DNAH9: variants seen among roughly 807,000 people sequenced by gnomAD.
DNAH9 encodes dynein axonemal heavy chain 9.
In DNAH9, 345 loss-of-function variants were observed where a neutral mutation model predicts 471.6. The observed-to-expected ratio is 0.73, with a 90% CI of 0.67 to 0.80. DNAH9 has a LOEUF of 0.80. Among genes scored for constraint, DNAH9 ranks in the 30% least tolerant of loss-of-function variants. DNAH9 has a pLI of 0.00. For missense variants in DNAH9, 5,407 were observed against 5,609.2 expected, an observed-to-expected ratio of 0.96 and a Z score of 1.15; for synonymous variants, 2,093 against 2,123.6, an observed-to-expected ratio of 0.99 and a Z score of 0.40.
intron 14 of DNAH9, among the ~76,000 whole-genome samples, chr17:11,663,519 T>TA (rs1187732350): frequency 6.6e-6 from 1 of 152,202 alleles, no homozygotes. Context: ...CCAAACCAAT[T>TA]AATTCTTTTA....
intron 43 of DNAH9, among the ~76,000 whole-genome samples, chr17:11,801,419 G>A (rs547253060): frequency 6.6e-5 from 10 of 152,300 alleles, no homozygotes; most frequent in African/African-American, 1.4e-4. Flanking sequence ...GCCGGGCACC[G>A]TGGCTCATGC....
intron 28 of DNAH9, among the ~76,000 whole-genome samples, chr17:11,734,060 T>C (rs1010183671): frequency 6.6e-6 from 1 of 152,002 alleles, no homozygotes; most frequent in Non-Finnish European, 1.5e-5. Flanking sequence ...TTCACTGACT[T>C]TCAGGTAGGT....
intron 36 of DNAH9, among the ~76,000 whole-genome samples, chr17:11,767,101 A>C (rs1048007977): frequency 6.6e-6 from 1 of 152,190 alleles, no homozygotes; most frequent in Non-Finnish European, 1.5e-5. Flanking sequence ...GGAAGGTGAG[A>C]CAATGTCGGT....
At chr17:11,955,972 A>G (rs1975618706) in intron 67 of DNAH9, among the ~76,000 whole-genome samples, 1 of 152,226 alleles carries the variant, frequency 6.6e-6, no homozygotes, top group South Asian at 2.1e-4. Flanking sequence ...CTTTTCTATT[A>G]ACCGTTAACG....
chr17:11,765,189 C>T (rs923319628), intron 36 of DNAH9, among the ~76,000 whole-genome samples: 11 of 152,166 alleles, frequency 7.2e-5, no homozygotes, highest in Admixed American at 7.2e-4. Flanking sequence ...ATGCAAGGTA[C>T]TTAGCACAAC....
Position 11,689,843 on chromosome 17 carries a change from C to T in DNAH9, c.4021C>T (p.Arg1341Trp), listed in dbSNP as rs368725644. Residue 1341 changes from arginine to tryptophan, a missense_variant, in exon 20 of 69, where the codon CGG becomes TGG. Physicochemically the swap from Arg to Trp is moderately radical, Grantham distance 101. Transcript: ENST00000262442. ...AMELECKQFA[R>W]HIRNLDKEVR... ...GGAGTTGGAGTGCAAACAGTTTGCC[C>T]GGCATATCCGAAACCTGGACAAGGA... is the stretch of plus-strand genomic sequence containing the variant. 1.4e-5 allele frequency: 22 copies of T among 1,612,066 alleles called. No individual in the cohort carries two copies. Among genetic ancestry groups the T allele is most frequent in the African/African-American group, 5.3e-5 (4 of 74,864 alleles).
chr17:11,966,278 C>A (rs533339119), intron 68 of DNAH9, among the ~76,000 whole-genome samples: 1 of 152,194 alleles, frequency 6.6e-6, no homozygotes, highest in Admixed American at 6.5e-5. Context: ...TCATCAGAAA[C>A]CATGAAAGAG....
chr17:11,874,933 G>A lies in DNAH9; in HGVS notation c.10243-16G>A. 6.3e-7 allele frequency: 1 copy of A among 1,594,012 alleles called. No individual in the cohort carries two copies. The highest frequency in any genetic ancestry group is 2.2e-5 in the East Asian group (1 of 44,704). On this transcript the variant is annotated splice_polypyrimidine_tract_variant and intron_variant, in intron 52 of 68. Coordinates refer to ENST00000262442, the MANE Select transcript of DNAH9 (RefSeq NM_001372.4). ...GCTTCTGTTCTGAGCGTGGGGTGGT[G>A]TTTCTTCTTCACCAGACTCCCATTC...
At chr17:11,939,931 TAGTG>T (rs1257313454) in intron 66 of DNAH9, among the ~76,000 whole-genome samples, 2 of 151,576 alleles carry the variant, frequency 1.3e-5, no homozygotes, top group Non-Finnish European at 1.5e-5. Context: ...GATGGATGGA[TAGTG>T]GGTGGATGGA....
intron 4 of DNAH9, among the ~76,000 whole-genome samples, chr17:11,617,035 A>G (rs181286985): frequency 1.4e-4 from 22 of 152,292 alleles, no homozygotes; most frequent in Non-Finnish European, 3.2e-4. Flanking sequence ...CACGTGCCCA[A>G]AGTCATACAA....
At chr17:11,784,192 A>G (rs1968772292) in intron 40 of DNAH9, 108 bp from the exon 41 acceptor site, 1 of 1,536,062 alleles carries the variant, frequency 6.5e-7, no homozygotes, top group Non-Finnish European at 8.8e-7. Context: ...GGACCAAAAT[A>G]TAGATTCGAA....
In DNAH9 at chr17:11,608,127, A is replaced by C; in HGVS notation, c.418-2A>C. The C allele has an allele frequency of 6.3e-7, 1 of 1,586,940 alleles. No homozygotes were observed. Among genetic ancestry groups the C allele is most frequent in the Non-Finnish European group, 8.6e-7 (1 of 1,162,668 alleles). ...TTTCTTTCCTGTGCACCTCTGTTCC[A>C]GGTTGTTCTACCCGTCCTGGCCAAT... On this transcript the variant is annotated splice_acceptor_variant, in intron 1 of 68. Transcript: ENST00000262442. LOFTEE classifies it high-confidence loss of function.
chr17:11,834,825 A>G lies in DNAH9; in HGVS notation c.9434A>G (p.Asp3145Gly), dbSNP rs1419629116. 1 of 1,613,912 alleles carries G rather than the reference A, an allele frequency of 6.2e-7. No homozygotes were observed. The highest frequency in any genetic ancestry group is 1.3e-5 in the African/African-American group (1 of 74,904). Residue 3145 changes from aspartate (D) to glycine (G), a missense_variant, in exon 49 of 69, where the codon GAC (aspartate) becomes GGC (glycine). Around this residue, in one of 3 missense-constraint regions of DNAH9, gnomAD observed 4,636 missense variants for 4,900.3 expected, o/e 0.95. Transcript: ENST00000262442. ...CTAGAGGTGAAACAGAAGCAGAAGG[A>G]CTGTGAGGAGGACCTGGCAAAGGCT... Reference protein sequence around the residue: ...IMLEVKQKQKDCEEDLAKAEP... With the variant: ...IMLEVKQKQKGCEEDLAKAEP...
At position 11,623,098 on chromosome 17, in the gene DNAH9, C is replaced by T. The variant is rs1364353217; in HGVS notation, c.1350+3317C>T. ...AAGCGATTCTCCTGCCTCAGCCTCC[C>T]AAGTAGCTGGGATTACAGGCATGTG... is the stretch of plus-strand genomic sequence containing the variant. On this transcript the variant is annotated intron_variant, in intron 6 of 68. Transcript: ENST00000262442. The surrounding 1 kb of genome is among the most constrained non-coding windows in gnomAD (Gnocchi z 4.1). Among the ~76,000 whole-genome samples the T allele has an allele frequency of 2.6e-5, 4 of 151,614 alleles. No individual in the cohort carries two copies. Among genetic ancestry groups the T allele is most frequent in the African/African-American group, 9.7e-5 (4 of 41,366 alleles).
chr17:11,805,222 A>G (rs1184402364), intron 43 of DNAH9, among the ~76,000 whole-genome samples: 3 of 152,176 alleles, frequency 2.0e-5, no homozygotes, highest in African/African-American at 4.8e-5. Context: ...ACAGGTCATC[A>G]GTACATGCAA....
intron 39 of DNAH9, among the ~76,000 whole-genome samples, chr17:11,782,085 G>T (rs942916310): frequency 6.6e-6 from 1 of 151,898 alleles, no homozygotes; most frequent in African/African-American, 2.4e-5. Flanking sequence ...TGAGAAGAGA[G>T]AATTCAGAGA....
intron 48 of DNAH9, among the ~76,000 whole-genome samples, chr17:11,829,015 A>G (rs1970599024): frequency 6.6e-6 from 1 of 152,220 alleles, no homozygotes; most frequent in African/African-American, 2.4e-5. Context: ...TTAACACTGA[A>G]CAATCCCAAC....
chr17:11,656,554 A>G (rs1336722810), intron 14 of DNAH9, among the ~76,000 whole-genome samples: 1 of 152,150 alleles, frequency 6.6e-6, no homozygotes, highest in Non-Finnish European at 1.5e-5. Context: ...AACTCATCCC[A>G]CTGTTGGATA....
At chr17:11,680,982 C>T (rs749263873) in intron 19 of DNAH9, 93 bp downstream of exon 19, 69 of 1,176,734 alleles carry the variant, frequency 5.9e-5, no homozygotes, top group Admixed American at 2.4e-4. Flanking sequence ...ATTCTTCCAG[C>T]AGCTGCAGAC....
Sources: gnomAD v4.1 joint callset for allele counts (sites outside exome capture counted in the v4.1 genomes callset) on GRCh38, gnomAD v4.1.1 for gene constraint, gnomAD v4.1.1 regional missense constraint, Gnocchi (gnomAD v3.1) non-coding constraint, MANE v1.5 for transcripts, NCBI Gene and HGNC (gene_info 2026-07-23, HGNC 2026-07-21) for gene names.